Variants in CNR2 observed in about 807,000 individuals in gnomAD.
The protein encoded by CNR2 is cannabinoid receptor 2 (macrophage).
For missense variants in CNR2, 379 were observed against 439.9 expected (o/e 0.86, Z 1.24); for synonymous variants, 172 against 182.2 (o/e 0.94, Z 0.45).
chr1:23,891,694 A>G (rs918138988), intron 1 of CNR2, among the ~76,000 whole-genome samples: 5 of 151,692 alleles, frequency 3.3e-5, no homozygotes, highest in African/African-American at 7.3e-5. Context: ...ACCTCCTCCA[A>G]GAAGCATTCT....
intron 1 of CNR2, among the ~76,000 whole-genome samples, chr1:23,906,058 C>G (rs146638963): frequency 6.6e-6 from 1 of 152,112 alleles, no homozygotes; most frequent in Non-Finnish European, 1.5e-5. Flanking sequence ...AACTTACCCT[C>G]GGAACCAACT....
chr1:23,901,792 G>T, intron 1 of CNR2: 2 of 1,550,540 alleles, frequency 1.3e-6, no homozygotes, highest in Non-Finnish European at 1.8e-6. Context: ...CCTTCCCAGA[G>T]CTGGACCCAC....
chr1:23,904,714 C>G (rs1211577632), intron 1 of CNR2, among the ~76,000 whole-genome samples: 1 of 152,116 alleles, frequency 6.6e-6, no homozygotes, highest in Non-Finnish European at 1.5e-5. Flanking sequence ...GCCAGTCACC[C>G]ATTCTGTCCA....
chr1:23,877,485 A>G (rs1639905374), intron 1 of CNR2, among the ~76,000 whole-genome samples: 1 of 152,010 alleles, frequency 6.6e-6, no homozygotes, highest in Non-Finnish European at 1.5e-5. Flanking sequence ...AATACAAAAA[A>G]TTAGCTGGGC....
At chr1:23,903,996 A>G (rs1374401885) in intron 1 of CNR2, among the ~76,000 whole-genome samples, 7 of 151,844 alleles carry the variant, frequency 4.6e-5, no homozygotes, top group African/African-American at 1.7e-4. Flanking sequence ...ACTTCTCTCT[A>G]ATCTTTCTGG....
chr1:23,878,331 C>A (rs1238565118), intron 1 of CNR2, among the ~76,000 whole-genome samples: 3 of 151,970 alleles, frequency 2.0e-5, no homozygotes, highest in Non-Finnish European at 2.9e-5. Context: ...TGCCATTGCA[C>A]TGCAGCCTGG....
chr1:23,874,659 C>T lies in CNR2; in HGVS notation c.959G>A (p.Cys320Tyr), dbSNP rs201974899. The T allele has an allele frequency of 1.9e-6, 3 of 1,614,192 alleles. No individual in the cohort carries two copies. In the Admixed American group the frequency reaches 5.0e-5, roughly 27 times the overall value. Residue 320 changes from cysteine (C) to tyrosine (Y), a missense_variant, in exon 2 of 2, where the codon TGT becomes TAT. Physicochemically the swap from Cys to Tyr is radical, Grantham distance 194. Coordinates refer to ENST00000374472, the MANE Select transcript of CNR2 (RefSeq NM_001841.3). ...AHHCLAHWKKCVRGLGSEAKE... is the reference protein window; with the variant it reads ...AHHCLAHWKKYVRGLGSEAKE... ...TGCCTCTGACCCAAGGCCCCTCACA[C>T]ACTTCTTCCAGTGAGCCAGGCAGTG... is the stretch of plus-strand genomic sequence containing the variant.
At chr1:23,901,798 CCCA>C in intron 1 of CNR2, 1 of 1,568,054 alleles carries the variant, frequency 6.4e-7, no homozygotes, top group Middle Eastern at 1.7e-4. Flanking sequence ...CAGAGCTGGA[CCCA>C]CACAGGCCTA....
chr1:23,901,753 C>T lies in CNR2; in HGVS notation c.-46+11493G>A, dbSNP rs961044661. Reference sequence around the variant, plus strand: ...TCTGAGCCAGAACTACCCCAAGCCTCTTGAGCTCAATCTTCACGCTGTACT... The same window carrying T: ...TCTGAGCCAGAACTACCCCAAGCCTTTTGAGCTCAATCTTCACGCTGTACT... On this transcript the variant is annotated intron_variant, in intron 1 of 1. Coordinates refer to ENST00000374472, the MANE Select transcript of CNR2 (RefSeq NM_001841.3). 1.5e-5 allele frequency: 21 copies of T among 1,447,870 alleles called. No homozygotes were observed. In the African/African-American group the frequency reaches 2.8e-4, roughly 19 times the overall value. 89.7% of individuals were successfully genotyped at this position (1,447,870 alleles called of 1,614,324 possible). A position where few individuals can be genotyped will look rare whatever the true frequency, so the allele number is the denominator to read the frequency against.
At chr1:23,890,595 A>C in intron 1 of CNR2, among the ~76,000 whole-genome samples, 1 of 151,888 alleles carries the variant, frequency 6.6e-6, no homozygotes, top group Admixed American at 6.5e-5. Flanking sequence ...AAAATACAAA[A>C]TTAGCCGGGC....
chr1:23,874,695 G>C lies in CNR2; in HGVS notation c.923C>G (p.Ser308Cys). The change falls in exon 2 of 2, where the codon TCC becomes TGC. Residue 308 changes from serine (S) to cysteine (C), a missense_variant. Physicochemically the swap from Ser to Cys is moderately radical, Grantham distance 112. Coordinates refer to ENST00000374472, the MANE Select transcript of CNR2 (RefSeq NM_001841.3). ...IYALRSGEIR[S>C]SAHHCLAHWK... ...GTGAGCCAGGCAGTGATGGGCAGAG[G>C]AGCGGATCTCTCCACTCCGTAGAGC... The C allele has an allele frequency of 6.2e-7, 1 of 1,614,198 alleles. No individual in the cohort carries two copies. Among genetic ancestry groups the C allele is most frequent in the South Asian group, 1.1e-5 (1 of 91,084 alleles).
intron 1 of CNR2, among the ~76,000 whole-genome samples, chr1:23,886,366 G>A (rs1327962081): frequency 1.3e-5 from 2 of 152,146 alleles, no homozygotes; most frequent in Non-Finnish European, 2.9e-5. Context: ...CAGGGGCTCT[G>A]ACTCCGAAAG....
rs60331310 is a variant in CNR2, at chr1:23,872,132, C to CAAAAAAAAAA, written c.*2393_*2402dup. The CAAAAAAAAAA allele has an allele frequency of 1.3e-4, 6 of 46,416 alleles. 1 individual carries two copies. The highest frequency in any genetic ancestry group is 4.9e-4 in the African/African-American group (6 of 12,314). The allele number at this position is 46,416 out of a possible 1,614,324, so 2.9% of individuals were successfully genotyped here. A position where few individuals can be genotyped will look rare whatever the true frequency, so the allele number is the denominator to read the frequency against. On this transcript the variant is annotated 3_prime_UTR_variant, in exon 2 of 2. Coordinates refer to ENST00000374472, the MANE Select transcript of CNR2 (RefSeq NM_001841.3). Reference sequence around the variant, plus strand: ...TGGACAACAGAATGAGATTCCGTCTCAAAAAAAAAAAAAAAAAAAAAAAAG... The same window carrying CAAAAAAAAAA: ...TGGACAACAGAATGAGATTCCGTCTCAAAAAAAAAAAAAAAAAAAAAAAAAAAAAAAAAAG...
rs905373216 is a variant in CNR2, at chr1:23,879,176, C to A, written c.-45-3514G>T. Among the ~76,000 whole-genome samples the A allele has an allele frequency of 2.6e-5, 4 of 152,074 alleles. No individual in the cohort carries two copies. The South Asian group carries it at 6.2e-4, about 24-fold the overall frequency. On this transcript the variant is annotated intron_variant, in intron 1 of 1. Coordinates refer to ENST00000374472, the MANE Select transcript of CNR2 (RefSeq NM_001841.3). Reference sequence around the variant, plus strand: ...AGGCGTGGTGGTGTGCACCTGTAGTCCCAGCTACTCAGGAGACTGAGGCAG... The same window carrying A: ...AGGCGTGGTGGTGTGCACCTGTAGTACCAGCTACTCAGGAGACTGAGGCAG...
intron 1 of CNR2, among the ~76,000 whole-genome samples, chr1:23,886,896 G>T (rs1384286237): frequency 6.6e-6 from 1 of 151,756 alleles, no homozygotes; most frequent in African/African-American, 2.4e-5. Flanking sequence ...CGGTTTTTTT[G>T]TTTTTTTTGT....
chr1:23,878,014 A>C (rs778087256), intron 1 of CNR2, among the ~76,000 whole-genome samples: 1 of 152,138 alleles, frequency 6.6e-6, no homozygotes, highest in African/African-American at 2.4e-5. Context: ...ATGCAGAACA[A>C]AGAGATAAAG....
intron 1 of CNR2, among the ~76,000 whole-genome samples, chr1:23,877,562 G>A (rs1316159696): frequency 3.9e-5 from 6 of 152,026 alleles, no homozygotes; most frequent in African/African-American, 1.2e-4. Flanking sequence ...GTGAACCCGG[G>A]AGGCGGAGCT....
chr1:23,877,358 G>A (rs7516774), intron 1 of CNR2, among the ~76,000 whole-genome samples: 10,261 of 152,242 alleles, frequency 0.067, 379 homozygotes, highest in Middle Eastern at 0.1. Context: ...TCTGGTGGCC[G>A]GGCACGGTGG....
intron 1 of CNR2, among the ~76,000 whole-genome samples, chr1:23,898,335 C>CCTTTTTTT: frequency 9.2e-6 from 1 of 108,194 alleles, no homozygotes; most frequent in African/African-American, 3.6e-5. Context: ...CCGCGCCCGG[C>CCTTTTTTT]TTTTTTTTTT....
Sources: allele counts gnomAD v4.1 joint callset (sites outside exome capture counted in the v4.1 genomes callset), GRCh38; gene constraint gnomAD v4.1.1; transcripts MANE v1.5; gene names NCBI Gene and HGNC (gene_info 2026-07-23, HGNC 2026-07-21).